NR3C2: variants seen among roughly 807,000 people sequenced by gnomAD.
The protein encoded by NR3C2 is mineralocorticoid receptor.
Under a neutral mutation model 86.4 loss-of-function variants are expected in NR3C2, and 15 were observed. The observed-to-expected ratio is 0.17, with a 90% CI of 0.12 to 0.27. The LOEUF (loss-of-function observed/expected upper bound fraction) is 0.27. Ranked by LOEUF, NR3C2 falls within the 10% of genes least tolerant of loss-of-function variation. The pLI is 1.00. For synonymous variants in NR3C2, 458 were observed against 450.5 expected (o/e 1.02, Z -0.21); for missense variants, 960 against 1,195.6 (o/e 0.80, Z 2.91).
intron 2 of NR3C2, among the ~76,000 whole-genome samples, chr4:148,366,215 A>C (rs144902588): frequency 1.3e-5 from 2 of 152,272 alleles, no homozygotes; most frequent in East Asian, 1.9e-4. Context: ...AAGCAGGTGT[A>C]TCCACATACA....
chr4:148,216,077 T>C (rs1207675342), intron 3 of NR3C2, among the ~76,000 whole-genome samples: 3 of 152,180 alleles, frequency 2.0e-5, no homozygotes, highest in African/African-American at 4.8e-5. Context: ...CTGTCACAAC[T>C]ACTCAACTAT....
At chr4:148,373,648 G>GTAT (rs1746530856) in intron 2 of NR3C2, among the ~76,000 whole-genome samples, 1 of 151,528 alleles carries the variant, frequency 6.6e-6, no homozygotes, top group Non-Finnish European at 1.5e-5. Context: ...CTAATTTTTT[G>GTAT]TATTTTTTTA....
At chr4:148,115,039 G>A (rs1732210026) in intron 7 of NR3C2, among the ~76,000 whole-genome samples, 1 of 152,202 alleles carries the variant, frequency 6.6e-6, no homozygotes, top group Non-Finnish European at 1.5e-5. Flanking sequence ...GTTTATGCGT[G>A]TGAGGGGGGA....
chr4:148,320,751 A>G (rs1159599906), intron 2 of NR3C2, among the ~76,000 whole-genome samples: 1 of 151,688 alleles, frequency 6.6e-6, no homozygotes. Context: ...TATTGCGTCT[A>G]TTTGATTCTT....
chr4:148,403,574 G>T (rs1748271695), intron 2 of NR3C2, among the ~76,000 whole-genome samples: 1 of 151,986 alleles, frequency 6.6e-6, no homozygotes, highest in South Asian at 2.1e-4. Flanking sequence ...TTTACAGATT[G>T]CTCCCATGCT....
intron 2 of NR3C2, among the ~76,000 whole-genome samples, chr4:148,429,268 T>C (rs958271834): frequency 2.6e-5 from 4 of 152,348 alleles, no homozygotes; most frequent in South Asian, 4.1e-4. Context: ...AGAGTTTTCA[T>C]ATATTTATCT....
intron 6 of NR3C2, among the ~76,000 whole-genome samples, chr4:148,137,910 C>A (rs1398266554): frequency 1.3e-5 from 2 of 152,010 alleles, no homozygotes; most frequent in South Asian, 2.1e-4. Context: ...GAAAAAAGTT[C>A]TTTTTCATAA....
intron 2 of NR3C2, among the ~76,000 whole-genome samples, chr4:148,341,823 C>T (rs1012339773): frequency 1.3e-5 from 2 of 152,060 alleles, no homozygotes; most frequent in African/African-American, 4.8e-5. Flanking sequence ...ATACAAACAC[C>T]ACTATTTTAA....
intron 2 of NR3C2, among the ~76,000 whole-genome samples, chr4:148,297,747 A>G (rs1361307834): frequency 6.6e-6 from 1 of 152,006 alleles, no homozygotes; most frequent in African/African-American, 2.4e-5. Context: ...CTGAAGAAAA[A>G]CCTTCATTTT....
chr4:148,345,817 T>G (rs1343038627), intron 2 of NR3C2, among the ~76,000 whole-genome samples: 2 of 152,062 alleles, frequency 1.3e-5, no homozygotes, highest in African/African-American at 2.4e-5. Context: ...GGTACCTTAC[T>G]ACACACTACA....
At chr4:148,429,000 A>G (rs1008417059) in intron 2 of NR3C2, among the ~76,000 whole-genome samples, 2 of 151,752 alleles carry the variant, frequency 1.3e-5, no homozygotes, top group African/African-American at 4.8e-5. Context: ...CTCACCCCCA[A>G]CCCCGACATC....
chr4:148,322,418 G>A (rs1188603059), intron 2 of NR3C2, among the ~76,000 whole-genome samples: 19 of 115,786 alleles, frequency 1.6e-4, no homozygotes, highest in African/African-American at 4.4e-4. Context: ...GAATCTGAAC[G>A]TTGGCCTGCC....
chr4:148,136,602 A>G (rs17024401), intron 6 of NR3C2, among the ~76,000 whole-genome samples: 2,920 of 152,108 alleles, frequency 0.019, 96 homozygotes, highest in African/African-American at 0.065. Flanking sequence ...CAAGCTACAC[A>G]GTTTTGCCCG....
upstream of NR3C2, chr4:148,443,962 G>C: frequency 3.1e-6 from 3 of 981,306 alleles, no homozygotes; most frequent in Non-Finnish European, 3.6e-6. Context: ...CCTGACCCCA[G>C]ACTCTAATGC....
intron 2 of NR3C2, among the ~76,000 whole-genome samples, chr4:148,363,197 T>G (rs530672859): frequency 1.3e-5 from 2 of 152,046 alleles, no homozygotes; most frequent in Non-Finnish European, 2.9e-5. Context: ...TAATCAAGAG[T>G]ACAAATTTAC....
intron 4 of NR3C2, among the ~76,000 whole-genome samples, chr4:148,191,483 A>C (rs1736192476): frequency 6.6e-6 from 1 of 152,188 alleles, no homozygotes. Context: ...TTCTGTGATG[A>C]ATTTCCTGGG....
At chr4:148,317,176 T>C (rs1163250593) in intron 2 of NR3C2, among the ~76,000 whole-genome samples, 7 of 151,992 alleles carry the variant, frequency 4.6e-5, no homozygotes, top group Non-Finnish European at 7.4e-5. Flanking sequence ...GTTCAACCCA[T>C]GCATTAGAAA....
At chr4:148,090,254 A>G (rs1560915308) in intron 8 of NR3C2, among the ~76,000 whole-genome samples, 1 of 152,206 alleles carries the variant, frequency 6.6e-6, no homozygotes, top group Non-Finnish European at 1.5e-5. Flanking sequence ...AGGTGCTGCT[A>G]GTGTGACGAG....
intron 5 of NR3C2, among the ~76,000 whole-genome samples, chr4:148,154,316 G>T (rs540370929): frequency 7.2e-5 from 11 of 152,126 alleles, no homozygotes; most frequent in African/African-American, 2.7e-4. Flanking sequence ...GAGCCACTGC[G>T]CCCAGCCGTA....
Sources: allele counts gnomAD v4.1 joint callset (sites outside exome capture counted in the v4.1 genomes callset), GRCh38; gene constraint gnomAD v4.1.1; transcripts MANE v1.5; gene names NCBI Gene and HGNC (gene_info 2026-07-23, HGNC 2026-07-21).